SP110: variants seen among roughly 807,000 people sequenced by gnomAD.
SP110 encodes SP110 nuclear body protein.
In SP110, 62 loss-of-function variants were observed where a neutral mutation model predicts 92.7. That is an observed-to-expected ratio of 0.67 (90% CI 0.55 to 0.83). The LOEUF (loss-of-function observed/expected upper bound fraction) is 0.83. Among genes scored for constraint, SP110 ranks in the 40% least tolerant of loss-of-function variants. The pLI is 0.00. For missense variants in SP110, 793 were observed against 863.9 expected (o/e 0.92, Z 1.03); for synonymous variants, 273 against 305.3 (o/e 0.89, Z 1.10).
chr2:230,178,024 C>T lies in SP110; in HGVS notation c.1447+133G>A, dbSNP rs2041945895. On this transcript the variant is annotated intron_variant, in intron 13 of 18. Coordinates refer to ENST00000258381, the MANE Select transcript of SP110 (RefSeq NM_080424.4). ...ATGTGGAAGAGTTTGGAAATTCCTT[C>T]CTAAGAAGCGTTTCTTCTGCAGTCT... 2.0e-5 allele frequency: 14 copies of T among 717,096 alleles called. No individual in the cohort carries two copies. In the South Asian group the frequency reaches 2.1e-4, roughly 11 times the overall value. The allele number at this position is 717,096 out of a possible 1,614,324, so 44.4% of individuals were successfully genotyped here. A position where few individuals can be genotyped will look rare whatever the true frequency, so the allele number is the denominator to read the frequency against.
At position 230,165,366 on chromosome 2, in the gene SP110, G is replaced by C. The variant is rs142081394; in HGVS notation, c.*3758C>G. 6.6e-6 allele frequency among the ~76,000 whole-genome samples: 1 copy of C among 152,218 alleles called. No homozygotes were observed. Among genetic ancestry groups the C allele is most frequent in the African/African-American group, 2.4e-5 (1 of 41,452 alleles). ...AGCAAAAAGGAAGTATGGAGAAGTC[G>C]TGTCAAGAAAAGACCAGCAGGGAAT... On this transcript the variant is annotated 3_prime_UTR_variant, in exon 19 of 19. Transcript: ENST00000258381.
In SP110 at chr2:230,214,972, C is replaced by T. The variant is rs199925122; in HGVS notation, c.294G>A (p.Thr98=). Residue 98 remains threonine, a synonymous_variant, in exon 3 of 19, where the codon ACG becomes ACA. Coordinates refer to ENST00000258381, the MANE Select transcript of SP110 (RefSeq NM_080424.4). ...TACCACGTTTGAAGCTTCTGTAAAT[C>T]GTCACCAGATTGGGATATTCACGCA... ...INLREYPNLV[T]IYRSFKRVGA... is the part of the protein sequence containing the mutation. 5.6e-6 allele frequency: 9 copies of T among 1,613,860 alleles called. No individual in the cohort carries two copies. The highest frequency in any genetic ancestry group is 2.2e-5 in the East Asian group (1 of 44,882).
intron 10 of SP110, among the ~76,000 whole-genome samples, chr2:230,190,215 A>G (rs573738506): frequency 6.6e-6 from 1 of 152,182 alleles, no homozygotes; most frequent in African/African-American, 2.4e-5. Context: ...ACCAGCATCT[A>G]TTGTTTTCTG....
At chr2:230,221,041 G>A (rs1041684147), upstream of SP110, among the ~76,000 whole-genome samples, 2 of 151,890 alleles carry the variant, frequency 1.3e-5, no homozygotes, top group Non-Finnish European at 2.9e-5. Context: ...CCAGCACTTT[G>A]GGAGGCTGAG....
intron 1 of SP110, 114 bp from the exon 2 acceptor site, chr2:230,217,042 T>C (rs1574794062): frequency 1.4e-5 from 11 of 778,786 alleles, no homozygotes; most frequent in South Asian, 1.4e-4. Context: ...GGTCAAGAGA[T>C]TGAGACCATC....
chr2:230,179,633 G>A (rs1054583366), intron 12 of SP110, among the ~76,000 whole-genome samples: 2 of 119,836 alleles, frequency 1.7e-5, no homozygotes, highest in African/African-American at 6.8e-5. Flanking sequence ...CAGAGCTCCA[G>A]GTGACTCTGG....
Position 230,214,941 on chromosome 2 carries a change from T to C in SP110, c.316+9A>G. Reference sequence around the variant, plus strand: ...TTAAATGCAAAAAGCACTTGAGAAATCTCATTACCACGTTTGAAGCTTCTG... The same window carrying C: ...TTAAATGCAAAAAGCACTTGAGAAACCTCATTACCACGTTTGAAGCTTCTG... On this transcript the variant is annotated intron_variant, in intron 3 of 18. Coordinates refer to ENST00000258381, the MANE Select transcript of SP110 (RefSeq NM_080424.4). 6.2e-7 allele frequency: 1 copy of C among 1,613,018 alleles called. No individual in the cohort carries two copies. The highest frequency in any genetic ancestry group is 8.5e-7 in the Non-Finnish European group (1 of 1,179,040).
upstream of SP110, chr2:230,221,664 G>A: frequency 4.6e-6 from 7 of 1,529,246 alleles, no homozygotes; most frequent in Non-Finnish European, 5.3e-6. Flanking sequence ...CGGTGGTAAA[G>A]GAATTAAGGT....
intron 10 of SP110, among the ~76,000 whole-genome samples, chr2:230,186,786 G>T (rs2042381376): frequency 6.6e-6 from 1 of 152,108 alleles, no homozygotes; most frequent in South Asian, 2.1e-4. Flanking sequence ...ACCTCACTTA[G>T]AATAATGGCC....
intron 10 of SP110, among the ~76,000 whole-genome samples, chr2:230,198,849 C>T (rs150029705): frequency 3.3e-5 from 5 of 152,270 alleles, no homozygotes; most frequent in South Asian, 4.1e-4. Context: ...CCACCCACCT[C>T]GGCCTCCCAA....
At chr2:230,195,000 C>T (rs1181470214) in intron 10 of SP110, among the ~76,000 whole-genome samples, 1 of 151,716 alleles carries the variant, frequency 6.6e-6, no homozygotes, top group Non-Finnish European at 1.5e-5. Context: ...GGTGAGGGGC[C>T]TGATAAACAC....
chr2:230,215,360 T>C (rs1324069048), intron 2 of SP110, among the ~76,000 whole-genome samples: 1 of 152,166 alleles, frequency 6.6e-6, no homozygotes, highest in East Asian at 1.9e-4. Context: ...TTAAAGTAAG[T>C]CTATATTCTG....
chr2:230,207,730 A>AC lies in SP110; in HGVS notation c.898+260dup, dbSNP rs61002141. 2.6e-5 allele frequency among the ~76,000 whole-genome samples: 4 copies of AC among 152,210 alleles called. No individual in the cohort carries two copies. The East Asian group carries it at 7.7e-4, about 29-fold the overall frequency. On this transcript the variant is annotated intron_variant, in intron 8 of 18. Coordinates refer to ENST00000258381, the MANE Select transcript of SP110 (RefSeq NM_080424.4). The stretch of plus-strand genomic sequence containing the variant: ...AATTGGCACTCTTCTCTGCATCTCC[A>AC]CTGTCAGATCTGAATCCAAGCCACC...
At chr2:230,220,557 G>A (rs989402618), upstream of SP110, among the ~76,000 whole-genome samples, 5 of 152,220 alleles carry the variant, frequency 3.3e-5, no homozygotes, top group Admixed American at 6.5e-5. Flanking sequence ...AAATGGCTGA[G>A]AGCTGGGCAG....
chr2:230,211,365 T>C lies in SP110; in HGVS notation c.751+105A>G, dbSNP rs2044453636. ...GAACTGGAAGCTGGGCCAAGATTGC[T>C]GAGAGGCAGGAGGAGAGCCCCCTCT... On this transcript the variant is annotated intron_variant, in intron 6 of 18. Transcript: ENST00000258381. The surrounding 1 kb of genome is among the most constrained non-coding windows in gnomAD (Gnocchi z 4.2). 2 of 799,814 alleles carry C rather than the reference T, an allele frequency of 2.5e-6. No individual in the cohort carries two copies. The highest frequency in any genetic ancestry group is 4.4e-6 in the Non-Finnish European group (2 of 449,516). 49.5% of individuals were successfully genotyped at this position (799,814 alleles called of 1,614,324 possible).
chr2:230,186,087 T>C lies in SP110; in HGVS notation c.1186A>G (p.Thr396Ala). The C allele has an allele frequency of 1.2e-6, 2 of 1,614,164 alleles. No individual in the cohort carries two copies. Among genetic ancestry groups the C allele is most frequent in the Non-Finnish European group, 1.7e-6 (2 of 1,180,012 alleles). ...CAGGTTGAGTCGTCTTTCCTTTGAG[T>C]CACCTTATCCACCACTTGGAGCTTC... Reference protein sequence around the residue: ...QEKLQVVDKVTQRKDDSTWNS... With the variant: ...QEKLQVVDKVAQRKDDSTWNS... Residue 396 changes from threonine (T) to alanine (A), a missense_variant, in exon 11 of 19, where the codon ACT (threonine) becomes GCT (alanine). By Grantham distance (58) the Thr-to-Ala change is moderately conservative (BLOSUM62 0). Transcript: ENST00000258381.
chr2:230,212,561 G>A, intron 4 of SP110, 131 bp from the exon 5 acceptor site: 1 of 1,030,810 alleles, frequency 9.7e-7, no homozygotes, highest in Admixed American at 1.7e-5. Flanking sequence ...CCCGGGAGTG[G>A]GAAGCAGGTG....
At chr2:230,205,993 T>C (rs2043750882) in intron 8 of SP110, among the ~76,000 whole-genome samples, 1 of 152,110 alleles carries the variant, frequency 6.6e-6, no homozygotes, top group South Asian at 2.1e-4. Context: ...ATAAGTAGAA[T>C]GGGGGAGAAA....
chr2:230,220,754 A>T (rs143686571), upstream of SP110, among the ~76,000 whole-genome samples: 73 of 152,332 alleles, frequency 4.8e-4, no homozygotes, highest in African/African-American at 1.7e-3. Context: ...CTATAATCCC[A>T]GGACTTTAGG....
Sources: gnomAD v4.1 joint callset for allele counts (sites outside exome capture counted in the v4.1 genomes callset) on GRCh38, gnomAD v4.1.1 for gene constraint, Gnocchi (gnomAD v3.1) non-coding constraint, MANE v1.5 for transcripts, NCBI Gene and HGNC (gene_info 2026-07-23, HGNC 2026-07-21) for gene names.